UBXN4: variants seen among roughly 807,000 people sequenced by gnomAD.
The protein encoded by UBXN4 is UBX domain protein 4.
Under a neutral mutation model 66.2 loss-of-function variants are expected in UBXN4, and 35 were observed. That is an observed-to-expected ratio of 0.53 (90% CI 0.40 to 0.70). UBXN4 has a LOEUF of 0.70. Among genes scored for constraint, UBXN4 ranks in the 30% least tolerant of loss-of-function variants. The pLI is 0.00. For synonymous variants in UBXN4, 203 were observed against 204.5 expected (o/e 0.99, Z 0.06); for missense variants, 533 against 599.8 (o/e 0.89, Z 1.16).
intron 12 of UBXN4, among the ~76,000 whole-genome samples, chr2:135,780,619 C>T (rs2077443922): frequency 6.6e-6 from 1 of 152,228 alleles, no homozygotes; most frequent in South Asian, 2.1e-4. Context: ...AGCTTCACCT[C>T]TACTGGTTTA....
intron 10 of UBXN4, among the ~76,000 whole-genome samples, chr2:135,777,673 T>C (rs965591035): frequency 6.6e-6 from 1 of 151,070 alleles, no homozygotes; most frequent in African/African-American, 2.4e-5. Context: ...GATCACAAGG[T>C]CAGGAGTTTG....
intron 1 of UBXN4, chr2:135,747,809 T>C (rs967258910): frequency 6.8e-5 from 27 of 395,420 alleles, no homozygotes; most frequent in Admixed American, 5.5e-4. Context: ...TAAGTAGAGA[T>C]GGGGTTTTAC....
At chr2:135,779,536 A>G (rs2077437068) in intron 11 of UBXN4, among the ~76,000 whole-genome samples, 2 of 152,258 alleles carry the variant, frequency 1.3e-5, no homozygotes, top group African/African-American at 4.8e-5. Flanking sequence ...CGTAACTGGG[A>G]TGAGAGCCTG....
chr2:135,765,442 C>A (rs1205586162), intron 6 of UBXN4, among the ~76,000 whole-genome samples: 1 of 151,910 alleles, frequency 6.6e-6, no homozygotes, highest in Non-Finnish European at 1.5e-5. Flanking sequence ...AACTCCTGAC[C>A]TCAGGTGATC....
intron 11 of UBXN4, among the ~76,000 whole-genome samples, chr2:135,779,501 CT>C (rs2077436857): frequency 6.6e-6 from 1 of 152,126 alleles, no homozygotes; most frequent in Non-Finnish European, 1.5e-5. Flanking sequence ...AGAAAAGAAG[CT>C]CAGACAGCTT....
intron 8 of UBXN4, among the ~76,000 whole-genome samples, chr2:135,771,415 G>T (rs1048183654): frequency 1.3e-5 from 2 of 152,038 alleles, no homozygotes; most frequent in African/African-American, 4.8e-5. Context: ...GGTGGAAGTT[G>T]CAGTAGGCTG....
intron 5 of UBXN4, among the ~76,000 whole-genome samples, chr2:135,757,429 A>G (rs1469827319): frequency 2.6e-5 from 4 of 152,144 alleles, no homozygotes. Context: ...CTCTTCATCT[A>G]CGTTTTATTC....
chr2:135,782,226 GTC>G (rs950063865), intron 12 of UBXN4, among the ~76,000 whole-genome samples: 23 of 152,304 alleles, frequency 1.5e-4, no homozygotes, highest in Admixed American at 1.4e-3. Flanking sequence ...AGTTATAAAA[GTC>G]TGTTGGCTTA....
At chr2:135,750,453 C>G (rs1000464365) in intron 2 of UBXN4, among the ~76,000 whole-genome samples, 1 of 151,926 alleles carries the variant, frequency 6.6e-6, no homozygotes, top group African/African-American at 2.4e-5. Flanking sequence ...TTGCAGTGAG[C>G]CGAGATTGCA....
At chr2:135,759,969 T>C (rs2077305461) in intron 5 of UBXN4, among the ~76,000 whole-genome samples, 1 of 152,048 alleles carries the variant, frequency 6.6e-6, no homozygotes, top group Non-Finnish European at 1.5e-5. Context: ...GGTTTCACCA[T>C]GTTGGCCAGA....
intron 1 of UBXN4, chr2:135,747,677 C>T (rs539186097): frequency 6.3e-4 from 286 of 456,358 alleles, no homozygotes; most frequent in Admixed American, 1.2e-3. Flanking sequence ...CTGTGTCACC[C>T]AGGCTGGAGT....
At chr2:135,771,477 C>CA (rs1342976067) in intron 8 of UBXN4, among the ~76,000 whole-genome samples, 1 of 151,106 alleles carries the variant, frequency 6.6e-6, no homozygotes, top group Non-Finnish European at 1.5e-5. Context: ...AACTCCATCT[C>CA]AAAAAAAAGA....
rs1282013992 is a variant in UBXN4, at chr2:135,773,692, TGG to T, written c.950+1146_950+1147del. On this transcript the variant is annotated intron_variant, in intron 9 of 12. Transcript: ENST00000272638. ...TAGATTTCTAGTACACCTTGCTAAT[TGG>T]ATTATGGTTAATACTTATTGTCTTC... is the stretch of plus-strand genomic sequence containing the variant. 1.9e-4 allele frequency among the ~76,000 whole-genome samples: 29 copies of T among 152,382 alleles called. 1 individual carries two copies. Among genetic ancestry groups the T allele is most frequent in the South Asian group, 4.1e-4 (2 of 4,832 alleles).
chr2:135,779,106 CTCT>C (rs756821280), intron 11 of UBXN4, 27 bp downstream of exon 11: 33 of 1,547,922 alleles, frequency 2.1e-5, no homozygotes, highest in Admixed American at 9.9e-5. Context: ...GCATTTTTTT[CTCT>C]TCTTATTGTT....
chr2:135,754,111 C>A, intron 3 of UBXN4, 48 bp from the exon 4 acceptor site: 1 of 1,358,762 alleles, frequency 7.4e-7, no homozygotes, highest in South Asian at 1.3e-5. Context: ...TTTCGTAAAA[C>A]TATCCTTTCG....
chr2:135,775,836 G>A lies in UBXN4; in HGVS notation c.951-413G>A, dbSNP rs1240824347. Among the ~76,000 whole-genome samples, 7 of 151,942 alleles carry A rather than the reference G, an allele frequency of 4.6e-5. No individual in the cohort carries two copies. In the East Asian group the frequency reaches 7.7e-4, roughly 17 times the overall value. On this transcript the variant is annotated intron_variant, in intron 9 of 12. Transcript: ENST00000272638. ...GGCTGGAGTGCGGTGGCATGATCTC[G>A]GCTTACTGCAACCTACACCTCCCGG...
chr2:135,763,945 C>T lies in UBXN4; in HGVS notation c.602+2034C>T, dbSNP rs913926175. On this transcript the variant is annotated intron_variant, in intron 6 of 12. Coordinates refer to ENST00000272638, the MANE Select transcript of UBXN4 (RefSeq NM_014607.4). ...TTCAAGACCAGCCTGGCCAACGTGGCGAAACCCTGTCTCTACTAGAAAAAT... is the reference window on the plus strand; with the variant it reads ...TTCAAGACCAGCCTGGCCAACGTGGTGAAACCCTGTCTCTACTAGAAAAAT... Among the ~76,000 whole-genome samples the T allele has an allele frequency of 2.6e-5, 4 of 151,912 alleles. No individual in the cohort carries two copies. The East Asian group carries it at 5.8e-4, about 22-fold the overall frequency.
intron 10 of UBXN4, among the ~76,000 whole-genome samples, chr2:135,778,556 A>C (rs771972664): frequency 6.6e-6 from 1 of 152,196 alleles, no homozygotes; most frequent in Non-Finnish European, 1.5e-5. Flanking sequence ...GTCTAGTCCA[A>C]ATTCTTAATA....
chr2:135,779,005 T>C lies in UBXN4; in HGVS notation c.1111T>C (p.Phe371Leu). The change falls in exon 11 of 13, where the codon TTT becomes CTT. Residue 371 changes from phenylalanine (F) to leucine (L), a missense_variant. Around this residue, in one of 2 missense-constraint regions of UBXN4, gnomAD observed 529 missense variants for 580.1 expected, o/e 0.91. Coordinates refer to ENST00000272638, the MANE Select transcript of UBXN4 (RefSeq NM_014607.4). ...AGCAACCATGTTTCCCAGGAGGGAATTTACCAAAGAAGATTATAAAAAGAA... is the reference window on the plus strand; with the variant it reads ...AGCAACCATGTTTCCCAGGAGGGAACTTACCAAAGAAGATTATAAAAAGAA... ...SLATMFPRRE[F>L]TKEDYKKKLL... The C allele has an allele frequency of 6.2e-7, 1 of 1,613,710 alleles. No homozygotes were observed. The highest frequency in any genetic ancestry group is 8.5e-7 in the Non-Finnish European group (1 of 1,179,832).
Sources: gnomAD v4.1 joint callset for allele counts (sites outside exome capture counted in the v4.1 genomes callset) on GRCh38, gnomAD v4.1.1 for gene constraint, gnomAD v4.1.1 regional missense constraint, MANE v1.5 for transcripts, NCBI Gene and HGNC (gene_info 2026-07-23, HGNC 2026-07-21) for gene names.